PPFIA4: variants seen among roughly 807,000 people sequenced by gnomAD.
The protein encoded by PPFIA4 is liprin-alpha-4.
Under a neutral mutation model 145.7 loss-of-function variants are expected in PPFIA4, and 98 were observed. The observed-to-expected ratio is 0.67, with a 90% CI of 0.57 to 0.80. The LOEUF is 0.80. PPFIA4 is among the 30% of genes least tolerant of loss of function. The pLI is 0.00. For missense variants in PPFIA4, 1,457 were observed against 1,632.7 expected (o/e 0.89, Z 1.85); for synonymous variants, 628 against 649.6 (o/e 0.97, Z 0.51).
At position 203,044,111 on chromosome 1, in the gene PPFIA4, C is replaced by A; in HGVS notation, c.501+16C>A. On this transcript the variant is annotated intron_variant, in intron 4 of 29. Transcript: ENST00000295706. ...GGATGAGAAGGTGCCCACCTGCCCG[C>A]CAGCCCCCACATCCAGCCAGGCTGC... is the stretch of plus-strand genomic sequence containing the variant. 1 of 1,559,102 alleles carries A rather than the reference C, an allele frequency of 6.4e-7. No homozygotes were observed. Among genetic ancestry groups the A allele is most frequent in the Non-Finnish European group, 8.7e-7 (1 of 1,152,870 alleles).
chr1:203,038,277 TG>T (rs541322124), intron 1 of PPFIA4, among the ~76,000 whole-genome samples: 82 of 152,306 alleles, frequency 5.4e-4, no homozygotes, highest in Admixed American at 1.1e-3. Context: ...AGGAGGACTC[TG>T]GGCATCCTGC....
rs1344914578 is a variant in PPFIA4 at position 203,039,039 on chromosome 1, G to T, written c.31G>T (p.Gly11Trp). 1 of 1,571,592 alleles carries T rather than the reference G, an allele frequency of 6.4e-7. No homozygotes were observed. Residue 11 changes from glycine to tryptophan, a missense_variant, in exon 2 of 30, where the codon GGG becomes TGG. By Grantham distance (184) the Gly-to-Trp change is radical. Coordinates refer to ENST00000295706, the MANE Select transcript of PPFIA4 (RefSeq NM_001304331.2). MCEVMPTINEGDRLGPPHGAD... is the reference protein window; with the variant it reads MCEVMPTINEWDRLGPPHGAD... ...TGAGGTGATGCCCACAATCAATGAG[G>T]GGGACCGCCTGGGTCCCCCTCATGG...
rs1463982144 is a variant in PPFIA4, at chr1:203,060,160, A to G, written c.2584-57A>G. 3 of 1,576,110 alleles carry G rather than the reference A, an allele frequency of 1.9e-6. No individual in the cohort carries two copies. Among genetic ancestry groups the G allele is most frequent in the Middle Eastern group, 2.1e-4 (1 of 4,794 alleles). ...TGGCCCTTGCCCCTTGCTGTTGCCA[A>G]ACTCTTGGTGGTAGGGCCCAGGCCT... On this transcript the variant is annotated intron_variant, in intron 21 of 29. Coordinates refer to ENST00000295706, the MANE Select transcript of PPFIA4 (RefSeq NM_001304331.2). This position sits in a 1 kb window ranked among gnomAD's most constrained non-coding sequence, Gnocchi z 4.8.
Position 203,063,822 on chromosome 1 carries a change from C to T in PPFIA4, c.2875-6C>T, listed in dbSNP as rs767210411. 4.3e-6 allele frequency: 7 copies of T among 1,613,768 alleles called. No homozygotes were observed. Among genetic ancestry groups the T allele is most frequent in the Non-Finnish European group, 5.9e-6 (7 of 1,179,874 alleles). Reference sequence around the variant, plus strand: ...CATAATAGCCTCCTGCATCTCATTTCCCTAGACCCTGGCCTATGGGGACAT... The same window carrying T: ...CATAATAGCCTCCTGCATCTCATTTTCCTAGACCCTGGCCTATGGGGACAT... On this transcript the variant is annotated splice_polypyrimidine_tract_variant and splice_region_variant and intron_variant, in intron 24 of 29. Coordinates refer to ENST00000295706, the MANE Select transcript of PPFIA4 (RefSeq NM_001304331.2).
chr1:203,056,328 C>A lies in PPFIA4; in HGVS notation c.2107-47C>A, dbSNP rs1216131655. On this transcript the variant is annotated intron_variant, in intron 17 of 29. Coordinates refer to ENST00000295706, the MANE Select transcript of PPFIA4 (RefSeq NM_001304331.2). ...ACCTCTTCTGGGCTGGGTAGGCAGG[C>A]CCGAGATCTCTCCCTCTATCCCCTG... is the stretch of plus-strand genomic sequence containing the variant. 10 of 1,605,804 alleles carry A rather than the reference C, an allele frequency of 6.2e-6. No individual in the cohort carries two copies. In the East Asian group the frequency reaches 1.8e-4, roughly 29 times the overall value.
At chr1:203,042,919 G>A (rs1225620313) in intron 2 of PPFIA4, among the ~76,000 whole-genome samples, 1 of 152,230 alleles carries the variant, frequency 6.6e-6, no homozygotes, top group Non-Finnish European at 1.5e-5. Context: ...GATTACAGGC[G>A]TGAGTCACTG....
At chr1:203,061,707 G>C in intron 24 of PPFIA4, 29 bp downstream of exon 24, 5 of 1,555,198 alleles carry the variant, frequency 3.2e-6, no homozygotes, top group Non-Finnish European at 4.3e-6. Context: ...TCTAGAACCA[G>C]CTCCCAAAAC....
At chr1:203,044,224 C>T (rs1450604955) in intron 4 of PPFIA4, 129 bp downstream of exon 4, 1 of 1,207,872 alleles carries the variant, frequency 8.3e-7, no homozygotes, top group Non-Finnish European at 1.1e-6. Context: ...GTCTTAACTT[C>T]AAGGTCCTCC....
intron 19 of PPFIA4, among the ~76,000 whole-genome samples, chr1:203,057,972 G>T (rs1315305614): frequency 1.3e-5 from 2 of 152,172 alleles, no homozygotes; most frequent in African/African-American, 2.4e-5. Context: ...AGAAGGAGGA[G>T]GGTGGGCGGA....
intron 23 of PPFIA4, 188 bp from the exon 24 acceptor site, chr1:203,061,464 A>G (rs2102674284): frequency 3.5e-6 from 2 of 571,322 alleles, no homozygotes; most frequent in Non-Finnish European, 6.1e-6. Context: ...CATTTGCCCC[A>G]CCTCAACGCA....
At position 203,039,200 on chromosome 1, in the gene PPFIA4, G is replaced by A. The variant is rs749581373; in HGVS notation, c.192G>A (p.Glu64=). The part of the protein sequence containing the change: ...TQSRLQDAIH[E]RDQLQRHLNS... ...GCCGGCTCCAGGATGCCATACACGAGCGGGACCAGCTCCAGCGCCACCTTA... is the reference window on the plus strand; with the variant it reads ...GCCGGCTCCAGGATGCCATACACGAACGGGACCAGCTCCAGCGCCACCTTA... The change falls in exon 2 of 30, where the codon GAG becomes GAA. Residue 64 remains glutamate (E), a synonymous_variant. Transcript: ENST00000295706. 82 of 1,605,856 alleles carry A rather than the reference G, an allele frequency of 5.1e-5. 1 individual carries two copies. The South Asian group carries it at 8.7e-4, about 17-fold the overall frequency.
chr1:203,050,630 G>T (rs1660439548), intron 13 of PPFIA4, among the ~76,000 whole-genome samples: 1 of 152,210 alleles, frequency 6.6e-6, no homozygotes, highest in African/African-American at 2.4e-5. Flanking sequence ...GAGGGGCAGT[G>T]GTTGAAATAG....
At chr1:203,071,584 G>A (rs1276541226) in intron 27 of PPFIA4, 108 bp from the exon 28 acceptor site, 9 of 843,966 alleles carry the variant, frequency 1.1e-5, no homozygotes, top group Admixed American at 2.1e-5. Flanking sequence ...AAATGCACTG[G>A]AGCCTTGCAT....
intron 25 of PPFIA4, 56 bp downstream of exon 25, chr1:203,064,059 G>A: frequency 6.4e-7 from 1 of 1,567,522 alleles, no homozygotes. Context: ...CCCTAGCTCT[G>A]AGGGTCTGCC....
chr1:203,027,266 G>T (rs1156904220), intron 1 of PPFIA4, among the ~76,000 whole-genome samples: 1 of 152,316 alleles, frequency 6.6e-6, no homozygotes, highest in Non-Finnish European at 1.5e-5. Flanking sequence ...GAATAGAGAT[G>T]CCTGAACTGG....
chr1:203,068,646 C>T lies in PPFIA4; in HGVS notation c.3324+18C>T. On this transcript the variant is annotated intron_variant, in intron 27 of 29. Transcript: ENST00000295706. The surrounding 1 kb of genome is among the most constrained non-coding windows in gnomAD (Gnocchi z 4.7). The stretch of plus-strand genomic sequence containing the variant: ...ACACCCAGGTGGGCAGCCTTTTAAT[C>T]AGTCAACTTGAGTCTCTCCCTGTAT... 1 of 1,484,058 alleles carries T rather than the reference C, an allele frequency of 6.7e-7. No homozygotes were observed. Among genetic ancestry groups the T allele is most frequent in the Non-Finnish European group, 8.9e-7 (1 of 1,118,158 alleles). 91.9% of individuals were successfully genotyped at this position (1,484,058 alleles called of 1,614,324 possible). A position where few individuals can be genotyped will look rare whatever the true frequency, so the allele number is the denominator to read the frequency against.
chr1:203,072,150 A>G (rs1571744048), intron 28 of PPFIA4, among the ~76,000 whole-genome samples: 1 of 152,114 alleles, frequency 6.6e-6, no homozygotes, highest in Non-Finnish European at 1.5e-5. Context: ...AGCTCAGCAC[A>G]CCTCCAGCTT....
intron 25 of PPFIA4, among the ~76,000 whole-genome samples, chr1:203,064,775 G>T (rs185414119): frequency 3.2e-3 from 491 of 152,338 alleles, no homozygotes; most frequent in Non-Finnish European, 5.2e-3. Context: ...GTCCACTCAG[G>T]ATGGGTGGGC....
chr1:203,049,637 G>T, intron 12 of PPFIA4, 39 bp from the exon 13 acceptor site: 1 of 1,406,388 alleles, frequency 7.1e-7, no homozygotes, highest in Non-Finnish European at 9.4e-7. Flanking sequence ...CCCCTCCCTG[G>T]CCCCCACTCC....
Sources: allele counts gnomAD v4.1 joint callset (sites outside exome capture counted in the v4.1 genomes callset), GRCh38; gene constraint gnomAD v4.1.1; non-coding constraint Gnocchi (gnomAD v3.1); transcripts MANE v1.5; gene names NCBI Gene and HGNC (gene_info 2026-07-23, HGNC 2026-07-21).